The following FALEC variants were observed in gnomAD, a reference collection of about 807,000 sequenced individuals.
The protein encoded by FALEC is focally amplified lncRNA regulator of ECM1.
At chr1:150,524,120 T>C in the FALEC span, among the ~76,000 whole-genome samples, 1 of 152,344 alleles carries the variant, frequency 6.6e-6, no homozygotes, top group East Asian at 1.9e-4. Context: ...ACTGTTGTTT[T>C]ACGCTGCTAG....
downstream of FALEC, among the ~76,000 whole-genome samples, chr1:150,522,861 ATATACG>A (rs1251331978): frequency 4.9e-5 from 6 of 123,054 alleles, no homozygotes; most frequent in African/African-American, 9.8e-5. Context: ...CTATATATAT[ATATACG>A]TATATATACA....
At chr1:150,529,477 A>T in the FALEC span, among the ~76,000 whole-genome samples, 1 of 152,130 alleles carries the variant, frequency 6.6e-6, no homozygotes, top group African/African-American at 2.4e-5. Context: ...ACCTTGTAGA[A>T]CTCAAAGGCT....
At chr1:150,531,998 G>A in the FALEC span, among the ~76,000 whole-genome samples, 27 of 152,286 alleles carry the variant, frequency 1.8e-4, no homozygotes, top group East Asian at 5.8e-4. Context: ...TCCGCCTCCC[G>A]GGTTCACGCC....
At chr1:150,531,333 A>G in the FALEC span, among the ~76,000 whole-genome samples, 1 of 152,146 alleles carries the variant, frequency 6.6e-6, no homozygotes, top group Admixed American at 6.5e-5. Context: ...CGTCTCTACT[A>G]AAAATATAAA....
chr1:150,519,254 A>G (rs1030527744), downstream of FALEC, among the ~76,000 whole-genome samples: 8 of 152,168 alleles, frequency 5.3e-5, 1 homozygote, highest in African/African-American at 1.4e-4. Flanking sequence ...ATTTAGAGTT[A>G]TCACTCAATC....
the FALEC span, among the ~76,000 whole-genome samples, chr1:150,527,255 A>G: frequency 7.0e-6 from 1 of 142,730 alleles, no homozygotes; most frequent in Non-Finnish European, 1.5e-5. Flanking sequence ...TTTATTTTTT[A>G]TTTATTTACT....
chr1:150,519,220 A>T (rs1256949524), downstream of FALEC, among the ~76,000 whole-genome samples: 2 of 152,108 alleles, frequency 1.3e-5, no homozygotes, highest in Non-Finnish European at 2.9e-5. Context: ...TCCCGTGCCC[A>T]TGAAGGAATC....
downstream of FALEC, among the ~76,000 whole-genome samples, chr1:150,521,333 G>T (rs189465892): frequency 6.6e-6 from 1 of 152,168 alleles, no homozygotes. Context: ...CTTCCCACAG[G>T]CAGTGTATGA....
chr1:150,531,323 C>T, the FALEC span, among the ~76,000 whole-genome samples: 3 of 152,076 alleles, frequency 2.0e-5, no homozygotes, highest in Non-Finnish European at 1.5e-5. Context: ...GGAGAAATCC[C>T]GTCTCTACTA....
intron 1 of FALEC, chr1:150,517,636 GTT>G (rs1670586753): frequency 6.6e-6 from 1 of 152,302 alleles, no homozygotes; most frequent in Admixed American, 6.6e-5. Flanking sequence ...GATACAAGAA[GTT>G]GGCAGGCTGC....
chr1:150,531,473 C>G, the FALEC span, among the ~76,000 whole-genome samples: 1 of 151,612 alleles, frequency 6.6e-6, no homozygotes, highest in Non-Finnish European at 1.5e-5. Context: ...AAAACTCCAT[C>G]TCAAGAAAAA....
the FALEC span, among the ~76,000 whole-genome samples, chr1:150,536,218 A>C: frequency 6.6e-6 from 1 of 152,210 alleles, no homozygotes; most frequent in African/African-American, 2.4e-5. Flanking sequence ...AGGAGAAGGC[A>C]TTCCTGGGAT....
the FALEC span, among the ~76,000 whole-genome samples, chr1:150,525,477 C>T: frequency 6.7e-6 from 1 of 150,082 alleles, no homozygotes; most frequent in Non-Finnish European, 1.5e-5. Flanking sequence ...AACAAACAAA[C>T]AAAAAGCATA....
chr1:150,520,239 A>T (rs1013893209), downstream of FALEC, among the ~76,000 whole-genome samples: 96 of 152,204 alleles, frequency 6.3e-4, no homozygotes, highest in Non-Finnish European at 1.0e-3. Flanking sequence ...TTATATTCAC[A>T]ATATTGTACA....
chr1:150,532,911 T>G, the FALEC span, among the ~76,000 whole-genome samples: 1 of 152,206 alleles, frequency 6.6e-6, no homozygotes, highest in African/African-American at 2.4e-5. Flanking sequence ...AAGGTATCTG[T>G]GCTGACACCC....
intron 1 of FALEC, among the ~76,000 whole-genome samples, chr1:150,517,453 A>G (rs1214453214): frequency 2.6e-5 from 4 of 152,028 alleles, no homozygotes; most frequent in Admixed American, 2.6e-4. Flanking sequence ...TACAGACTGA[A>G]TGTTTGTGTA....
the FALEC span, among the ~76,000 whole-genome samples, chr1:150,526,247 G>T: frequency 2.0e-5 from 3 of 151,690 alleles, no homozygotes; most frequent in African/African-American, 7.3e-5. Flanking sequence ...CTACTCAGGA[G>T]GCCAAGGCAG....
downstream of FALEC, among the ~76,000 whole-genome samples, chr1:150,519,859 T>A (rs767160641): frequency 2.8e-5 from 4 of 141,212 alleles, no homozygotes; most frequent in Non-Finnish European, 6.2e-5. Flanking sequence ...TCTCAAAAAA[T>A]AATAATAAAA....
chr1:150,522,947 G>A (rs931696005), downstream of FALEC, among the ~76,000 whole-genome samples: 4 of 13,862 alleles, frequency 2.9e-4, no homozygotes, highest in African/African-American at 1.0e-3. Context: ...GTGTGTGTGT[G>A]TGTATATATA....
Sources: allele counts gnomAD v4.1 joint callset (sites outside exome capture counted in the v4.1 genomes callset), GRCh38; gene constraint gnomAD v4.1.1; transcripts MANE v1.5; gene names NCBI Gene and HGNC (gene_info 2026-07-23, HGNC 2026-07-21).